Variants in DNAH12 observed in about 807,000 individuals in gnomAD.
The protein encoded by DNAH12 is axonemal beta dynein heavy chain 12.
DNAH12 carries 285 observed loss-of-function variants against 371.5 expected under a neutral mutation model. That is an observed-to-expected ratio of 0.77 (90% CI 0.70 to 0.85). The LOEUF is 0.85. DNAH12 is among the 40% of genes least tolerant of loss of function. The pLI is 0.00. For synonymous variants in DNAH12, 1,200 were observed against 1,213.0 expected, an observed-to-expected ratio of 0.99 and a Z score of 0.22; for missense variants, 3,611 against 3,689.4, an observed-to-expected ratio of 0.98 and a Z score of 0.55.
At chr3:57,447,785 C>T (rs2065565210) in intron 25 of DNAH12, among the ~76,000 whole-genome samples, 1 of 151,992 alleles carries the variant, frequency 6.6e-6, no homozygotes, top group Non-Finnish European at 1.5e-5. Flanking sequence ...GCAACCCTCC[C>T]ACCTCAGCCT....
At chr3:57,326,635 G>A (rs111266951) in intron 62 of DNAH12, among the ~76,000 whole-genome samples, 2,265 of 152,254 alleles carry the variant, frequency 0.015, 42 homozygotes, top group African/African-American at 0.052. Context: ...TGGAGACTAG[G>A]AAGAAACTGC....
Position 57,322,282 on chromosome 3 carries a change from T to A in DNAH12, c.10524+61A>T, listed in dbSNP as rs1023070636. 16 of 1,418,596 alleles carry A rather than the reference T, an allele frequency of 1.1e-5. No individual in the cohort carries two copies. The African/African-American group carries it at 2.3e-4, about 21-fold the overall frequency. The allele number at this position is 1,418,596 out of a possible 1,614,324, so 87.9% of individuals were successfully genotyped here. ...ACAAAAGCATTATTAAACAAAATTT[T>A]ACACTTCCATATTTGATCACTATAA... On this transcript the variant is annotated intron_variant, in intron 65 of 73. Transcript: ENST00000495027.
At chr3:57,416,256 T>C (rs2064372767) in intron 37 of DNAH12, among the ~76,000 whole-genome samples, 1 of 152,082 alleles carries the variant, frequency 6.6e-6, no homozygotes, top group South Asian at 2.1e-4. Flanking sequence ...GGCTAATTTT[T>C]TTACTTTTAA....
chr3:57,458,555 T>A (rs1052305501), intron 20 of DNAH12, among the ~76,000 whole-genome samples: 23 of 152,208 alleles, frequency 1.5e-4, no homozygotes, highest in African/African-American at 5.5e-4. Flanking sequence ...CAACCATAAA[T>A]GTAACAATTT....
chr3:57,466,850 A>G (rs374960270), intron 17 of DNAH12, among the ~76,000 whole-genome samples: 5 of 152,158 alleles, frequency 3.3e-5, no homozygotes, highest in African/African-American at 1.2e-4. Flanking sequence ...GGCTTAAGTG[A>G]TCCTCCCACC....
intron 45 of DNAH12, among the ~76,000 whole-genome samples, chr3:57,388,587 T>G (rs1286257254): frequency 6.6e-6 from 1 of 152,052 alleles, no homozygotes; most frequent in East Asian, 1.9e-4. Flanking sequence ...TCTAAAGAAC[T>G]ATTAAGATTA....
chr3:57,415,422 T>C lies in DNAH12; in HGVS notation c.5853+4A>G, dbSNP rs1322919628. The C allele has an allele frequency of 1.3e-6, 2 of 1,547,084 alleles. No individual in the cohort carries two copies. Among genetic ancestry groups the C allele is most frequent in the African/African-American group, 1.4e-5 (1 of 72,792 alleles). ...TAGACCCCCATTTCTGTCTTTAAAC[T>C]AACCTGAACCTGATTGGCGCTGGTC... On this transcript the variant is annotated splice_donor_region_variant and intron_variant, in intron 38 of 73. Coordinates refer to ENST00000495027, the MANE Select transcript of DNAH12 (RefSeq NM_001366028.2).
the DNAH12 span, among the ~76,000 whole-genome samples, chr3:57,549,851 T>C: frequency 6.6e-6 from 1 of 151,996 alleles, no homozygotes; most frequent in African/African-American, 2.4e-5. Context: ...CTCAAACTCC[T>C]GGGCTTATGC....
chr3:57,463,017 A>G (rs781515927), intron 17 of DNAH12, 142 bp from the exon 18 acceptor site: 35 of 573,870 alleles, frequency 6.1e-5, no homozygotes, highest in Non-Finnish European at 9.6e-5. Flanking sequence ...CAAAACCTCA[A>G]TTAGATTTGG....
chr3:57,322,878 C>T (rs1000092885), intron 64 of DNAH12, 129 bp downstream of exon 64: 31 of 1,332,998 alleles, frequency 2.3e-5, no homozygotes, highest in Admixed American at 2.8e-5. Flanking sequence ...TGCGGTGAGC[C>T]GAAATTGCGC....
chr3:57,453,396 T>C lies in DNAH12; in HGVS notation c.3464A>G (p.Lys1155Arg). 6.5e-7 allele frequency: 1 copy of C among 1,531,328 alleles called. No homozygotes were observed. Among genetic ancestry groups the C allele is most frequent in the South Asian group, 1.3e-5 (1 of 79,266 alleles). The allele number at this position is 1,531,328 out of a possible 1,614,324, so 94.9% of individuals were successfully genotyped here. A position where few individuals can be genotyped will look rare whatever the true frequency, so the allele number is the denominator to read the frequency against. Residue 1155 changes from lysine to arginine, a missense_variant, in exon 24 of 74, where the codon AAG becomes AGG. Transcript: ENST00000495027. ...GTTCTGAAGTTCCTTATAATACTTC[T>C]TTAATCCCTACAAAATAAAAAAAAA... ...EVISGGTEGL[K>R]KYYKELQNQL...
intron 36 of DNAH12, among the ~76,000 whole-genome samples, chr3:57,420,964 TCTTTTTTCA>T (rs1363508987): frequency 2.0e-5 from 3 of 150,454 alleles, no homozygotes; most frequent in African/African-American, 7.3e-5. Context: ...TGTTACCACC[TCTTTTTTCA>T]CTTTTAGAGA....
chr3:57,414,842 C>T (rs2064315638), intron 38 of DNAH12, among the ~76,000 whole-genome samples: 1 of 152,026 alleles, frequency 6.6e-6, no homozygotes, highest in African/African-American at 2.4e-5. Flanking sequence ...CTTAAAACAA[C>T]AGAAATGAGG....
In DNAH12 at chr3:57,314,555, C is replaced by A; in HGVS notation, c.10601G>T (p.Gly3534Val). The A allele has an allele frequency of 6.4e-7, 1 of 1,551,204 alleles. No homozygotes were observed. Among genetic ancestry groups the A allele is most frequent in the Non-Finnish European group, 8.7e-7 (1 of 1,146,898 alleles). ...ATTAAATCCATATGGAATATTCCAA[C>A]CAAGAGGACCAAATTTCTTTCTCTC... ...VQERKKFGPL[G>V]WNIPYGFNES... Residue 3534 changes from glycine (G) to valine (V), a missense_variant, in exon 66 of 74, where the codon GGT (glycine) becomes GTT (valine). By Grantham distance (109) the Gly-to-Val change is moderately radical. Around this residue, in one of 3 missense-constraint regions of DNAH12, gnomAD observed 2,266 missense variants for 2,236.9 expected, o/e 1.01. Coordinates refer to ENST00000495027, the MANE Select transcript of DNAH12 (RefSeq NM_001366028.2).
In DNAH12 at chr3:57,392,075, T is replaced by A. The variant is rs2063635987; in HGVS notation, c.7111-9A>T. On this transcript the variant is annotated splice_polypyrimidine_tract_variant and intron_variant, in intron 44 of 73. Coordinates refer to ENST00000495027, the MANE Select transcript of DNAH12 (RefSeq NM_001366028.2). ...GCTACTGGGCGAACACCCTAGGGAATATCAGAAAATAAAAACCTTGTAAAT... is the reference window on the plus strand; with the variant it reads ...GCTACTGGGCGAACACCCTAGGGAAAATCAGAAAATAAAAACCTTGTAAAT... 1 of 152,176 alleles carries A rather than the reference T, an allele frequency of 6.6e-6. No individual in the cohort carries two copies. 9.4% of individuals were successfully genotyped at this position (152,176 alleles called of 1,614,324 possible).
chr3:57,449,334 G>A (rs1354839309), intron 25 of DNAH12, among the ~76,000 whole-genome samples: 1 of 152,224 alleles, frequency 6.6e-6, no homozygotes, highest in African/African-American at 2.4e-5. Context: ...CCAGTCCCAC[G>A]CTGTGCGCTC....
chr3:57,449,307 G>A (rs1257588404), intron 25 of DNAH12, among the ~76,000 whole-genome samples: 1 of 152,214 alleles, frequency 6.6e-6, no homozygotes, highest in Non-Finnish European at 1.5e-5. Flanking sequence ...CACCCGGGCT[G>A]CAGGTGGAGC....
Position 57,333,118 on chromosome 3 carries a change from G to T in DNAH12, c.9978+1347C>A, listed in dbSNP as rs545351584. 1.4e-4 allele frequency among the ~76,000 whole-genome samples: 21 copies of T among 151,890 alleles called. No homozygotes were observed. In the South Asian group the frequency reaches 4.4e-3, roughly 32 times the overall value. ...TTTTTATTTTATTATTATTTTTTAT[G>T]AGACAGAGTCTCACTCTGCCACCCA... On this transcript the variant is annotated intron_variant, in intron 62 of 73. Transcript: ENST00000495027.
At chr3:57,517,783 A>G (rs1319409916) in intron 4 of DNAH12, among the ~76,000 whole-genome samples, 1 of 152,198 alleles carries the variant, frequency 6.6e-6, no homozygotes, top group Non-Finnish European at 1.5e-5. Flanking sequence ...ACGGTGGCTC[A>G]TGCCTGTAAT....
Sources: gnomAD v4.1 joint callset for allele counts (sites outside exome capture counted in the v4.1 genomes callset) on GRCh38, gnomAD v4.1.1 for gene constraint, gnomAD v4.1.1 regional missense constraint, MANE v1.5 for transcripts, NCBI Gene and HGNC (gene_info 2026-07-23, HGNC 2026-07-21) for gene names.